The following NAALADL2 variants were observed in gnomAD, a reference collection of about 807,000 sequenced individuals.
The protein encoded by NAALADL2 is N-acetylated alpha-linked acidic dipeptidase like 2, also known as inactive N-acetylated-alpha-linked acidic dipeptidase-like protein 2.
In NAALADL2, 76 loss-of-function variants were observed where a neutral mutation model predicts 87.2. The ratio of observed to expected loss-of-function variants is 0.87; its 90% CI spans 0.72 to 1.05. The LOEUF (loss-of-function observed/expected upper bound fraction) is 1.05, where lower values mean the gene tolerates loss of function less well. Among genes scored for constraint, NAALADL2 ranks in the 50% least tolerant of loss-of-function variants. NAALADL2 has a pLI of 0.00. For synonymous variants in NAALADL2, 354 were observed against 331.0 expected, an observed-to-expected ratio of 1.07 and a Z score of -0.75; for missense variants, 1,089 against 945.8, an observed-to-expected ratio of 1.15 and a Z score of -1.99.
chr3:174,764,148 C>T (rs1713463247), intron 3 of NAALADL2, among the ~76,000 whole-genome samples: 1 of 145,048 alleles, frequency 6.9e-6, no homozygotes, highest in African/African-American at 2.5e-5. Flanking sequence ...TTTTTTAAAC[C>T]AAAATTTGGA....
At chr3:175,782,461 G>A (rs1751271323) in intron 13 of NAALADL2, among the ~76,000 whole-genome samples, 2 of 110,364 alleles carry the variant, frequency 1.8e-5, no homozygotes, top group African/African-American at 4.1e-5. Flanking sequence ...GGCCAGTGAT[G>A]ATGAGCATTT....
chr3:175,306,672 A>G (rs946933180), intron 4 of NAALADL2, among the ~76,000 whole-genome samples: 5 of 150,958 alleles, frequency 3.3e-5, no homozygotes, highest in Non-Finnish European at 7.4e-5. Context: ...CTTAAAATAC[A>G]AACAAACAAA....
intron 9 of NAALADL2, among the ~76,000 whole-genome samples, chr3:175,538,172 T>C (rs1002606807): frequency 2.6e-5 from 4 of 152,144 alleles, no homozygotes; most frequent in African/African-American, 7.2e-5. Flanking sequence ...TTTACTTTTA[T>C]AGACAGAATG....
intron 1 of NAALADL2, among the ~76,000 whole-genome samples, chr3:175,055,945 C>G (rs113714568): frequency 0.08 from 12,211 of 152,086 alleles, 1,616 homozygotes; most frequent in African/African-American, 0.28. Flanking sequence ...GAAAAAGGAC[C>G]AAATGTAGCT....
chr3:175,478,591 C>G (rs560944431), intron 9 of NAALADL2, among the ~76,000 whole-genome samples: 2 of 152,016 alleles, frequency 1.3e-5, no homozygotes, highest in Admixed American at 6.6e-5. Context: ...GAAATCCAAA[C>G]AATTTGAAAC....
At chr3:175,330,994 AG>A (rs1258339125) in intron 5 of NAALADL2, among the ~76,000 whole-genome samples, 1 of 152,152 alleles carries the variant, frequency 6.6e-6, no homozygotes, top group African/African-American at 2.4e-5. Context: ...TAAATACAAA[AG>A]ATCAGGGGGA....
At chr3:174,852,688 T>G (rs773254107) in intron 3 of NAALADL2, among the ~76,000 whole-genome samples, 7 of 151,890 alleles carry the variant, frequency 4.6e-5, no homozygotes, top group Non-Finnish European at 1.0e-4. Flanking sequence ...ACCAATGAAA[T>G]TCTTCAGAGA....
chr3:175,216,783 C>G (rs975891818), intron 2 of NAALADL2, among the ~76,000 whole-genome samples: 5 of 149,736 alleles, frequency 3.3e-5, no homozygotes, highest in African/African-American at 1.2e-4. Context: ...ATTCTCCTGC[C>G]TCAGCCTCCT....
intron 13 of NAALADL2, among the ~76,000 whole-genome samples, chr3:175,760,504 A>G (rs1209868958): frequency 3.9e-5 from 6 of 152,212 alleles, no homozygotes; most frequent in African/African-American, 1.4e-4. Context: ...GCAAAACAAT[A>G]TCTATGTTCC....
intron 5 of NAALADL2, among the ~76,000 whole-genome samples, chr3:175,363,285 TTGTTTTCTTTA>T: frequency 6.8e-6 from 1 of 147,886 alleles, no homozygotes; most frequent in Non-Finnish European, 1.5e-5. Flanking sequence ...TTCTTTCAAG[TTGTTTTCTTTA>T]TGTACAATGT....
chr3:174,886,010 T>C (rs528626467), intron 1 of NAALADL2, among the ~76,000 whole-genome samples: 37 of 147,726 alleles, frequency 2.5e-4, no homozygotes, highest in Non-Finnish European at 4.3e-4. Flanking sequence ...GCCTCCTGGG[T>C]TCACGCCATT....
intron 1 of NAALADL2, among the ~76,000 whole-genome samples, chr3:174,442,074 T>A (rs949265264): frequency 3.3e-5 from 5 of 152,224 alleles, no homozygotes; most frequent in Non-Finnish European, 7.4e-5. Flanking sequence ...TCCTGTAGTA[T>A]CCACTCCAGT....
At chr3:175,732,103 G>A (rs1379174703) in intron 11 of NAALADL2, among the ~76,000 whole-genome samples, 2 of 152,130 alleles carry the variant, frequency 1.3e-5, no homozygotes, top group African/African-American at 2.4e-5. Flanking sequence ...GAAGTACAGC[G>A]TAATCAGAGT....
intron 1 of NAALADL2, among the ~76,000 whole-genome samples, chr3:174,943,896 G>GT (rs1738994807): frequency 6.6e-6 from 1 of 152,166 alleles, no homozygotes. Context: ...GAGACTTTCA[G>GT]TTGCCCCTGG....
chr3:175,389,851 T>TAGAGAGA (rs1349201421), intron 5 of NAALADL2, among the ~76,000 whole-genome samples: 1 of 152,164 alleles, frequency 6.6e-6, no homozygotes, highest in East Asian at 1.9e-4. Flanking sequence ...CAATGTTTCT[T>TAGAGAGA]ACAAACACTA....
At chr3:174,644,606 T>C (rs913940188) in intron 2 of NAALADL2, among the ~76,000 whole-genome samples, 1 of 152,120 alleles carries the variant, frequency 6.6e-6, no homozygotes, top group African/African-American at 2.4e-5. Flanking sequence ...GAGTCAACTG[T>C]AGCATTAAAA....
chr3:174,597,781 C>A (rs1487441863), intron 2 of NAALADL2, among the ~76,000 whole-genome samples: 3 of 152,138 alleles, frequency 2.0e-5, no homozygotes, highest in African/African-American at 7.2e-5. Flanking sequence ...TTAATGTGAG[C>A]TATTCACCCA....
chr3:175,007,668 C>T (rs1749215392), intron 1 of NAALADL2, among the ~76,000 whole-genome samples: 1 of 152,044 alleles, frequency 6.6e-6, no homozygotes, highest in Admixed American at 6.6e-5. Flanking sequence ...TTCCAAGACC[C>T]CAGTGGATGC....
intron 9 of NAALADL2, among the ~76,000 whole-genome samples, chr3:175,491,575 T>C (rs1728101096): frequency 6.6e-6 from 1 of 152,236 alleles, no homozygotes; most frequent in Admixed American, 6.5e-5. Context: ...TACTGTTTCA[T>C]TTATATGAAA....
Sources: gnomAD v4.1 joint callset for allele counts (sites outside exome capture counted in the v4.1 genomes callset) on GRCh38, gnomAD v4.1.1 for gene constraint, MANE v1.5 for transcripts, NCBI Gene and HGNC (gene_info 2026-07-23, HGNC 2026-07-21) for gene names.